Variants in TENM4 observed in about 807,000 individuals in gnomAD.
TENM4 encodes teneurin transmembrane protein 4.
In TENM4, 82 loss-of-function variants were observed where a neutral mutation model predicts 243.3. The observed-to-expected ratio is 0.34, with a 90% CI of 0.28 to 0.40. TENM4 has a LOEUF of 0.40. Ranked by LOEUF, TENM4 falls within the 10% of genes least tolerant of loss-of-function variation. TENM4 has a pLI of 1.00. For missense variants in TENM4, 3,138 were observed against 3,673.3 expected (o/e 0.85, Z 3.77); for synonymous variants, 1,412 against 1,456.3 (o/e 0.97, Z 0.69).
At position 79,440,849 on chromosome 11, in the gene TENM4, G is replaced by GCA. The variant is rs1296223598; in HGVS notation, c.-662_-661insTG. 2 of 135,536 alleles carry GCA rather than the reference G, an allele frequency of 1.5e-5. No homozygotes were observed. The highest frequency in any genetic ancestry group is 3.1e-5 in the Non-Finnish European group (2 of 63,772). 8.4% of individuals were successfully genotyped at this position (135,536 alleles called of 1,614,324 possible). A position where few individuals can be genotyped will look rare whatever the true frequency, so the allele number is the denominator to read the frequency against. ...GGGGGGTTGGGGCGGGTGTGTGCGC[G>GCA]CGCGTGTGTGAGTGTGTGTGTGTGT... On this transcript the variant is annotated 5_prime_UTR_variant, in exon 1 of 34. Transcript: ENST00000278550. The surrounding 1 kb of genome is among the most constrained non-coding windows in gnomAD (Gnocchi z 4.7).
At chr11:79,077,931 T>A (rs568139683) in intron 4 of TENM4, among the ~76,000 whole-genome samples, 1 of 152,254 alleles carries the variant, frequency 6.6e-6, no homozygotes, top group African/African-American at 2.4e-5. Context: ...TCTGGAAGAA[T>A]GGCAAGAGTG....
chr11:79,425,589 T>C (rs1859031708), intron 1 of TENM4, among the ~76,000 whole-genome samples: 2 of 152,176 alleles, frequency 1.3e-5, no homozygotes, highest in Non-Finnish European at 2.9e-5. Context: ...ACACTACTCA[T>C]ATAGTCAGTG....
chr11:78,830,116 G>A (rs1481751195), intron 12 of TENM4, among the ~76,000 whole-genome samples: 8 of 152,220 alleles, frequency 5.3e-5, no homozygotes, highest in Admixed American at 4.6e-4. Flanking sequence ...TACCTCCAAG[G>A]TATGGACAAA....
At chr11:79,083,008 C>A (rs971109033) in intron 4 of TENM4, among the ~76,000 whole-genome samples, 2 of 151,872 alleles carry the variant, frequency 1.3e-5, no homozygotes, top group Non-Finnish European at 2.9e-5. Context: ...CAGGGCCAGT[C>A]TCTCATGGAG....
intron 32 of TENM4, 106 bp from the exon 33 acceptor site, chr11:78,661,697 T>C: frequency 7.0e-7 from 1 of 1,430,340 alleles, no homozygotes; most frequent in Non-Finnish European, 9.5e-7. Context: ...GGTGAGGGTG[T>C]GGATTGCTGC....
chr11:79,295,668 G>A (rs1161786732), intron 2 of TENM4, among the ~76,000 whole-genome samples: 3 of 152,078 alleles, frequency 2.0e-5, no homozygotes, highest in Admixed American at 2.0e-4. Flanking sequence ...GGCAGGTGAA[G>A]GGGAAAAGGC....
intron 1 of TENM4, among the ~76,000 whole-genome samples, chr11:79,342,085 T>C (rs1461263782): frequency 1.3e-5 from 2 of 152,182 alleles, no homozygotes; most frequent in African/African-American, 2.4e-5. Context: ...TGGGTGGTCT[T>C]TCCCCACAAT....
chr11:78,755,252 C>T (rs1230857015), intron 19 of TENM4, among the ~76,000 whole-genome samples: 1 of 152,122 alleles, frequency 6.6e-6, no homozygotes, highest in Non-Finnish European at 1.5e-5. Flanking sequence ...GCAGCCTCAA[C>T]CTTCTGGGCT....
chr11:78,862,785 C>T (rs375677735), intron 10 of TENM4, among the ~76,000 whole-genome samples, 177 bp downstream of exon 10: 21 of 152,162 alleles, frequency 1.4e-4, no homozygotes, highest in Non-Finnish European at 2.4e-4. Flanking sequence ...CAAGGAACTG[C>T]GATGAAGACA....
chr11:78,748,469 G>A (rs1013730027), intron 19 of TENM4, among the ~76,000 whole-genome samples: 8 of 152,202 alleles, frequency 5.3e-5, no homozygotes, highest in African/African-American at 1.4e-4. Flanking sequence ...GAATATTGGA[G>A]AGAAAGTCAG....
At position 78,771,722 on chromosome 11, in the gene TENM4, G is replaced by C. The variant is rs530832240; in HGVS notation, c.2393-584C>G. Reference sequence around the variant, plus strand: ...CAACTGTCTTTGCTTTGAGGAAGAGGGCTTGGGGCTTTTTCTTAACATCTT... The same window carrying C: ...CAACTGTCTTTGCTTTGAGGAAGAGCGCTTGGGGCTTTTTCTTAACATCTT... On this transcript the variant is annotated intron_variant, in intron 17 of 33. Transcript: ENST00000278550. Among the ~76,000 whole-genome samples the C allele has an allele frequency of 3.1e-4, 47 of 152,186 alleles. 1 individual carries two copies. Among genetic ancestry groups the C allele is most frequent in the Non-Finnish European group, 5.0e-4 (34 of 67,988 alleles).
chr11:79,163,382 G>A (rs2135091572), intron 3 of TENM4, among the ~76,000 whole-genome samples: 1 of 152,144 alleles, frequency 6.6e-6, no homozygotes. Context: ...ACATAGCCAA[G>A]AAACACTGGA....
intron 5 of TENM4, chr11:79,067,773 G>A (rs921812981): frequency 1.3e-5 from 2 of 152,176 alleles, no homozygotes; most frequent in Non-Finnish European, 2.9e-5. Flanking sequence ...CTTGCTTTAT[G>A]TCCTTTTTGG....
intron 3 of TENM4, among the ~76,000 whole-genome samples, chr11:79,183,549 T>C (rs1158059040): frequency 6.6e-6 from 1 of 152,186 alleles, no homozygotes; most frequent in Non-Finnish European, 1.5e-5. Flanking sequence ...CTATGGACTT[T>C]GGGTGATAAT....
At chr11:78,945,077 A>C (rs1370943497) in intron 6 of TENM4, among the ~76,000 whole-genome samples, 1 of 152,244 alleles carries the variant, frequency 6.6e-6, no homozygotes, top group East Asian at 1.9e-4. Context: ...ACTTCTGTTC[A>C]TAATCAAAAC....
rs192069279 is a variant in TENM4 at position 78,990,535 on chromosome 11, C to T, written c.493+74203G>A. On this transcript the variant is annotated intron_variant, in intron 6 of 33. Transcript: ENST00000278550. Reference sequence around the variant, plus strand: ...AAAGAATGAGGATGATCTAAATATACTGCGAGGGAGTAATCCACGAGATAT... The same window carrying T: ...AAAGAATGAGGATGATCTAAATATATTGCGAGGGAGTAATCCACGAGATAT... 2.9e-4 allele frequency among the ~76,000 whole-genome samples: 44 copies of T among 152,284 alleles called. No individual in the cohort carries two copies. The East Asian group carries it at 6.9e-3, about 24-fold the overall frequency.
At chr11:78,841,632 C>A (rs1201260339) in intron 12 of TENM4, among the ~76,000 whole-genome samples, 2 of 152,070 alleles carry the variant, frequency 1.3e-5, no homozygotes, top group African/African-American at 2.4e-5. Flanking sequence ...TTAGTCATCT[C>A]CCCTCTCTCC....
intron 1 of TENM4, among the ~76,000 whole-genome samples, chr11:79,380,304 T>A (rs180693852): frequency 2.0e-5 from 3 of 150,016 alleles, no homozygotes; most frequent in African/African-American, 7.4e-5. Context: ...ATCAAGACAG[T>A]GTAGGGAAAA....
rs140970386 is a variant in TENM4, at chr11:79,266,349, G to GCAAAATAGT, written c.-265+31130_-265+31138dup. ...CTAGGCACAGGGAATACTGCAATGA[G>GCAAAATAGT]CAAAATAGTCAAAAATGCCTGCTTT... On this transcript the variant is annotated intron_variant, in intron 2 of 33. Coordinates refer to ENST00000278550, the MANE Select transcript of TENM4 (RefSeq NM_001098816.3). Among the ~76,000 whole-genome samples the GCAAAATAGT allele has an allele frequency of 7.9e-3, 1,204 of 152,326 alleles. 13 individuals carry two copies. The highest frequency in any genetic ancestry group is 0.028 in the African/African-American group (1,159 of 41,560).
Sources: gnomAD v4.1 joint callset for allele counts (sites outside exome capture counted in the v4.1 genomes callset) on GRCh38, gnomAD v4.1.1 for gene constraint, Gnocchi (gnomAD v3.1) non-coding constraint, MANE v1.5 for transcripts, NCBI Gene and HGNC (gene_info 2026-07-23, HGNC 2026-07-21) for gene names.